SLC9A9: variants seen among roughly 807,000 people sequenced by gnomAD.
The protein encoded by SLC9A9 is solute carrier family 9 member A9, also known as sodium/hydrogen exchanger 9.
SLC9A9 carries 62 observed loss-of-function variants against 77.8 expected under a neutral mutation model. That is an observed-to-expected ratio of 0.80 (90% confidence interval 0.65 to 0.98). SLC9A9 has a LOEUF of 0.98. Ranked by LOEUF, SLC9A9 falls within the 50% of genes least tolerant of loss-of-function variation. The pLI is 0.00. For missense variants in SLC9A9, 775 were observed against 774.9 expected (o/e 1.00, Z 0.00); for synonymous variants, 320 against 283.5 (o/e 1.13, Z -1.29).
intron 9 of SLC9A9, among the ~76,000 whole-genome samples, chr3:143,495,852 C>T (rs74859138): frequency 6.6e-6 from 1 of 152,166 alleles, no homozygotes; most frequent in Non-Finnish European, 1.5e-5. Context: ...ATCCACTTGA[C>T]TTCCCAGGTA....
intron 5 of SLC9A9, among the ~76,000 whole-genome samples, chr3:143,665,521 CA>C (rs1460479695): frequency 6.6e-6 from 1 of 151,872 alleles, no homozygotes; most frequent in African/African-American, 2.4e-5. Flanking sequence ...AAAAACCCTT[CA>C]AAAAATCAAT....
Position 143,593,009 on chromosome 3 carries a change from T to TA in SLC9A9, c.756-14287dup, listed in dbSNP as rs200500090. Among the ~76,000 whole-genome samples, 8 of 151,500 alleles carry TA rather than the reference T, an allele frequency of 5.3e-5. No individual in the cohort carries two copies. In the East Asian group the frequency reaches 5.8e-4, roughly 11 times the overall value. On this transcript the variant is annotated intron_variant, in intron 6 of 15. Coordinates refer to ENST00000316549, the MANE Select transcript of SLC9A9 (RefSeq NM_173653.4). ...TAAGTAACACCTTGGTAATAGTAAT[T>TA]AAAAAAAAACTTGGAATGCATATTC... is the stretch of plus-strand genomic sequence containing the variant.
intron 5 of SLC9A9, among the ~76,000 whole-genome samples, chr3:143,667,602 C>T (rs2039090229): frequency 6.6e-6 from 1 of 152,132 alleles, no homozygotes; most frequent in African/African-American, 2.4e-5. Flanking sequence ...GGCTAATATC[C>T]AGAATCTACA....
intron 2 of SLC9A9, among the ~76,000 whole-genome samples, chr3:143,828,133 C>G (rs1177553234): frequency 1.3e-5 from 2 of 152,184 alleles, no homozygotes; most frequent in African/African-American, 4.8e-5. Flanking sequence ...GGACCCTGAA[C>G]TCACCATGTA....
intron 2 of SLC9A9, among the ~76,000 whole-genome samples, chr3:143,804,080 C>G (rs1417547375): frequency 6.6e-6 from 1 of 152,146 alleles, no homozygotes; most frequent in Non-Finnish European, 1.5e-5. Flanking sequence ...CAGCAAAGAC[C>G]CACTGGAATT....
intron 9 of SLC9A9, among the ~76,000 whole-genome samples, chr3:143,505,994 A>T (rs1295219542): frequency 1.3e-5 from 2 of 152,166 alleles, no homozygotes; most frequent in East Asian, 3.8e-4. Flanking sequence ...TTAAAAAAAA[A>T]TTTTGCTATT....
At chr3:143,750,114 T>G (rs2006659954) in intron 4 of SLC9A9, among the ~76,000 whole-genome samples, 1 of 152,166 alleles carries the variant, frequency 6.6e-6, no homozygotes, top group African/African-American at 2.4e-5. Context: ...GTCAGCTTCC[T>G]GGTTAAATGC....
chr3:143,826,437 C>T (rs1242300659), intron 2 of SLC9A9, among the ~76,000 whole-genome samples: 1 of 152,120 alleles, frequency 6.6e-6, no homozygotes, highest in Non-Finnish European at 1.5e-5. Context: ...AAGCCCTTCA[C>T]AGCCTTCCTT....
chr3:143,510,059 T>C (rs1327418958), intron 9 of SLC9A9, among the ~76,000 whole-genome samples: 1 of 152,220 alleles, frequency 6.6e-6, no homozygotes, highest in Non-Finnish European at 1.5e-5. Flanking sequence ...ATAATTTGTA[T>C]AGATTAAATG....
At chr3:143,652,397 A>G (rs766976466) in intron 5 of SLC9A9, 37 bp from the exon 6 acceptor site, 7 of 1,527,046 alleles carry the variant, frequency 4.6e-6, no homozygotes, top group Non-Finnish European at 6.3e-6. Flanking sequence ...GTTAGCTTGG[A>G]TGCAGGCATG....
At chr3:143,703,148 G>A (rs1352218052) in intron 4 of SLC9A9, among the ~76,000 whole-genome samples, 4 of 152,044 alleles carry the variant, frequency 2.6e-5, no homozygotes, top group South Asian at 4.1e-4. Context: ...CCCACTTTCA[G>A]TCTTGGACAG....
intron 11 of SLC9A9, among the ~76,000 whole-genome samples, chr3:143,477,880 C>G (rs1170445984): frequency 6.6e-6 from 1 of 152,166 alleles, no homozygotes; most frequent in Non-Finnish European, 1.5e-5. Flanking sequence ...GTTCTAAGGA[C>G]AGTTGAAGAA....
At chr3:143,554,962 C>CTTTTTTCCTG (rs1323331625) in intron 8 of SLC9A9, among the ~76,000 whole-genome samples, 10 of 152,196 alleles carry the variant, frequency 6.6e-5, no homozygotes, top group Non-Finnish European at 1.2e-4. Context: ...TTTTCCTGTA[C>CTTTTTTCCTG]TATATCTTGC....
chr3:143,300,975 C>G (rs569662684), intron 14 of SLC9A9, among the ~76,000 whole-genome samples: 314 of 152,294 alleles, frequency 2.1e-3, no homozygotes, highest in South Asian at 7.7e-3. Flanking sequence ...TGTTTAACAT[C>G]TGCATTCAGG....
intron 12 of SLC9A9, among the ~76,000 whole-genome samples, chr3:143,387,432 AT>A (rs1418162121): frequency 1.3e-5 from 2 of 152,146 alleles, no homozygotes; most frequent in African/African-American, 2.4e-5. Flanking sequence ...TATAGAAAAA[AT>A]ATAGGGAAAT....
intron 13 of SLC9A9, among the ~76,000 whole-genome samples, chr3:143,373,843 G>A (rs2033113416): frequency 6.6e-6 from 1 of 152,060 alleles, no homozygotes; most frequent in African/African-American, 2.4e-5. Context: ...GTAGCCTAAT[G>A]TATATAAGAT....
chr3:143,529,554 C>T (rs1301837701), intron 9 of SLC9A9, among the ~76,000 whole-genome samples: 2 of 152,058 alleles, frequency 1.3e-5, no homozygotes, highest in African/African-American at 2.4e-5. Context: ...GAATTGAACA[C>T]ATGAGAGCAG....
rs181695046 is a variant in SLC9A9, at chr3:143,507,968, C to T, written c.1090-12520G>A. 1.4e-3 allele frequency among the ~76,000 whole-genome samples: 212 copies of T among 152,300 alleles called. 5 individuals are homozygous for T. The highest frequency in any genetic ancestry group is 2.5e-4 in the Non-Finnish European group (17 of 68,026). ...ACTAGTGAGGGCTCCACCCTCATGA[C>T]CTAATTATCTCCCAAAGGCCCCAAC... On this transcript the variant is annotated intron_variant, in intron 9 of 15. Transcript: ENST00000316549.
intron 6 of SLC9A9, among the ~76,000 whole-genome samples, chr3:143,601,672 C>T (rs1055096658): frequency 2.0e-5 from 3 of 152,232 alleles, no homozygotes; most frequent in Non-Finnish European, 4.4e-5. Flanking sequence ...CAACTCAGCG[C>T]TGCAGATTTC....
Sources: allele counts gnomAD v4.1 joint callset (sites outside exome capture counted in the v4.1 genomes callset), GRCh38; gene constraint gnomAD v4.1.1; transcripts MANE v1.5; gene names NCBI Gene and HGNC (gene_info 2026-07-23, HGNC 2026-07-21).